Variants in TAFA2 observed in about 807,000 individuals in gnomAD.
TAFA2 encodes the protein chemokine-like protein TAFA-2.
Under a neutral mutation model 18.8 loss-of-function variants are expected in TAFA2, and 7 were observed. That is an observed-to-expected ratio of 0.37 (90% CI 0.21 to 0.70). The LOEUF is 0.70. TAFA2 is among the 30% of genes least tolerant of loss of function. TAFA2 has a pLI of 0.53. For missense variants in TAFA2, 122 were observed against 158.1 expected (o/e 0.77, Z 1.23); for synonymous variants, 60 against 54.2 (o/e 1.11, Z -0.47).
intron 1 of TAFA2, among the ~76,000 whole-genome samples, chr12:62,084,988 A>G (rs2136825132): frequency 6.6e-6 from 1 of 152,284 alleles, no homozygotes; most frequent in Middle Eastern, 3.4e-3. Flanking sequence ...TACCTTCCTG[A>G]AGAACACTAC....
chr12:61,731,276 G>A (rs1344494235), intron 4 of TAFA2, among the ~76,000 whole-genome samples: 1 of 152,042 alleles, frequency 6.6e-6, no homozygotes, highest in Non-Finnish European at 1.5e-5. Flanking sequence ...TCTGTCTTAT[G>A]GAGTTTACTG....
chr12:62,206,669 G>T (rs1410055634), intron 1 of TAFA2, among the ~76,000 whole-genome samples: 2 of 151,952 alleles, frequency 1.3e-5, no homozygotes, highest in Non-Finnish European at 1.5e-5. Context: ...TTGTAGACAC[G>T]AGTTCTCACT....
chr12:62,132,813 TATA>T (rs1183507741), intron 1 of TAFA2, among the ~76,000 whole-genome samples: 6 of 152,084 alleles, frequency 3.9e-5, no homozygotes, highest in African/African-American at 1.4e-4. Context: ...CTGAACAAAG[TATA>T]ATATTATTAC....
At chr12:61,974,001 G>A (rs1304900347) in intron 1 of TAFA2, among the ~76,000 whole-genome samples, 2 of 151,706 alleles carry the variant, frequency 1.3e-5, no homozygotes, top group Non-Finnish European at 2.9e-5. Context: ...TCCAAAAAAA[G>A]AAGGAACAGG....
chr12:61,805,101 G>A (rs1592400372), intron 2 of TAFA2, among the ~76,000 whole-genome samples: 1 of 151,930 alleles, frequency 6.6e-6, no homozygotes. Context: ...TATTTTATCT[G>A]TCTAGAAAAG....
At chr12:61,750,270 G>A (rs1868948238) in intron 4 of TAFA2, among the ~76,000 whole-genome samples, 1 of 151,998 alleles carries the variant, frequency 6.6e-6, no homozygotes, top group Non-Finnish European at 1.5e-5. Flanking sequence ...TTTAACTTAG[G>A]AGATCTTAAA....
intron 1 of TAFA2, among the ~76,000 whole-genome samples, chr12:61,928,394 G>C (rs1301031099): frequency 6.6e-6 from 1 of 151,946 alleles, no homozygotes; most frequent in Non-Finnish European, 1.5e-5. Flanking sequence ...ACGTTTATGT[G>C]GCCAAAAAAT....
At chr12:61,963,186 A>G (rs1878949775) in intron 1 of TAFA2, among the ~76,000 whole-genome samples, 1 of 152,044 alleles carries the variant, frequency 6.6e-6, no homozygotes, top group African/African-American at 2.4e-5. Flanking sequence ...CAATAAACAT[A>G]CATGTACGTG....
At chr12:62,001,882 A>C (rs1880388932) in intron 1 of TAFA2, among the ~76,000 whole-genome samples, 1 of 152,228 alleles carries the variant, frequency 6.6e-6, no homozygotes, top group Non-Finnish European at 1.5e-5. Context: ...CACTATAATT[A>C]GCTGCTGTTA....
Position 61,710,241 on chromosome 12 carries a change from A to C in TAFA2, c.*165T>G, listed in dbSNP as rs369019965. The C allele has an allele frequency of 4.9e-4, 303 of 616,220 alleles. No homozygotes were observed. Among genetic ancestry groups the C allele is most frequent in the Non-Finnish European group, 7.3e-4 (252 of 345,968 alleles). 38.2% of individuals were successfully genotyped at this position (616,220 alleles called of 1,614,324 possible). A position where few individuals can be genotyped will look rare whatever the true frequency, so the allele number is the denominator to read the frequency against. ...ATGCAAGTTCATGTCTGACTTTTAA[A>C]AAGTCTTGATTTCAAGAAGAGGCCA... is the stretch of plus-strand genomic sequence containing the variant. On this transcript the variant is annotated 3_prime_UTR_variant, in exon 5 of 5. Coordinates refer to ENST00000416284, the MANE Select transcript of TAFA2 (RefSeq NM_178539.5).
intron 1 of TAFA2, among the ~76,000 whole-genome samples, chr12:62,042,577 G>A (rs1881793375): frequency 1.3e-5 from 2 of 151,978 alleles, no homozygotes; most frequent in Admixed American, 1.3e-4. Context: ...TAGTTGAATG[G>A]TTTCTCTTGT....
intron 1 of TAFA2, among the ~76,000 whole-genome samples, chr12:62,066,273 T>C (rs925863115): frequency 6.6e-6 from 1 of 151,972 alleles, no homozygotes; most frequent in African/African-American, 2.4e-5. Flanking sequence ...ATTTATCCTT[T>C]GTATTACAAA....
At position 61,742,101 on chromosome 12, in the gene TAFA2, G is replaced by T. The variant is rs560364754; in HGVS notation, c.384+11521C>A. 7.9e-5 allele frequency among the ~76,000 whole-genome samples: 12 copies of T among 152,128 alleles called. No individual in the cohort carries two copies. In the East Asian group the frequency reaches 2.3e-3, roughly 30 times the overall value. On this transcript the variant is annotated intron_variant, in intron 4 of 4. Transcript: ENST00000416284. ...GTAGAGATTGGGTTTCACCATGTTG[G>T]CCTGGCTGGTCTCGAACATCTGGCC...
At chr12:62,257,000 G>C in intron 1 of TAFA2, among the ~76,000 whole-genome samples, 1 of 152,040 alleles carries the variant, frequency 6.6e-6, no homozygotes, top group South Asian at 2.1e-4. Flanking sequence ...AATAACTGTA[G>C]AGGAAGGACA....
At chr12:62,253,576 C>T (rs1273387208) in intron 1 of TAFA2, 1 of 152,186 alleles carries the variant, frequency 6.6e-6, no homozygotes, top group Non-Finnish European at 1.5e-5. Flanking sequence ...CTTCTAAATT[C>T]GAGAAGCCTT....
intron 4 of TAFA2, among the ~76,000 whole-genome samples, chr12:61,728,093 T>A (rs1870260174): frequency 6.6e-6 from 1 of 151,404 alleles, no homozygotes; most frequent in Non-Finnish European, 1.5e-5. Context: ...AGAGAGTACT[T>A]GATATATTTT....
intron 1 of TAFA2, among the ~76,000 whole-genome samples, chr12:61,902,672 G>A (rs935824785): frequency 2.0e-5 from 3 of 152,154 alleles, no homozygotes; most frequent in African/African-American, 7.2e-5. Flanking sequence ...ATGATCTCAT[G>A]TCTTTAATAC....
At chr12:62,106,959 G>A (rs559322361) in intron 1 of TAFA2, among the ~76,000 whole-genome samples, 1 of 151,992 alleles carries the variant, frequency 6.6e-6, no homozygotes, top group Non-Finnish European at 1.5e-5. Context: ...CCTCTCTGCT[G>A]TTCCCCCTGT....
chr12:62,223,364 G>C (rs778429581), intron 1 of TAFA2, among the ~76,000 whole-genome samples: 3 of 152,110 alleles, frequency 2.0e-5, no homozygotes, highest in Non-Finnish European at 2.9e-5. Context: ...TGTGTGTGGA[G>C]ATGAGGTCTC....
Sources: gnomAD v4.1 joint callset for allele counts (sites outside exome capture counted in the v4.1 genomes callset) on GRCh38, gnomAD v4.1.1 for gene constraint, MANE v1.5 for transcripts, NCBI Gene and HGNC (gene_info 2026-07-23, HGNC 2026-07-21) for gene names.